The following ARHGAP15 variants were observed in gnomAD, a reference collection of about 807,000 sequenced individuals.
ARHGAP15 encodes rho GTPase-activating protein 15.
In ARHGAP15, 51 loss-of-function variants were observed where a neutral mutation model predicts 63.7. The observed-to-expected ratio is 0.80, with a 90% CI of 0.64 to 1.01. ARHGAP15 has a LOEUF of 1.01. Ranked by LOEUF, ARHGAP15 falls within the 50% of genes least tolerant of loss-of-function variation. The pLI is 0.00. For missense variants in ARHGAP15, 560 were observed against 564.6 expected, an observed-to-expected ratio of 0.99 and a Z score of 0.08; for synonymous variants, 191 against 193.8, an observed-to-expected ratio of 0.99 and a Z score of 0.12.
chr2:143,458,697 C>A (rs190574762), intron 8 of ARHGAP15, among the ~76,000 whole-genome samples: 1 of 152,138 alleles, frequency 6.6e-6, no homozygotes, highest in East Asian at 1.9e-4. Flanking sequence ...TTATTCCCTC[C>A]TTTATAATGT....
At chr2:143,492,691 A>G (rs1273498544) in intron 9 of ARHGAP15, among the ~76,000 whole-genome samples, 1 of 152,106 alleles carries the variant, frequency 6.6e-6, no homozygotes, top group Non-Finnish European at 1.5e-5. Flanking sequence ...GAGCCCAAGA[A>G]GTCAAGGCTG....
At chr2:143,284,554 G>T (rs1464065963) in intron 6 of ARHGAP15, among the ~76,000 whole-genome samples, 1 of 152,156 alleles carries the variant, frequency 6.6e-6, no homozygotes, top group East Asian at 1.9e-4. Context: ...GCTCCTCTTG[G>T]TTATGATAAT....
At chr2:143,396,728 C>A (rs1485006980) in intron 6 of ARHGAP15, among the ~76,000 whole-genome samples, 1 of 151,640 alleles carries the variant, frequency 6.6e-6, no homozygotes, top group Non-Finnish European at 1.5e-5. Context: ...ATATCTGTCG[C>A]TCATCTAGAT....
chr2:143,632,718 T>C (rs982052453), intron 12 of ARHGAP15, among the ~76,000 whole-genome samples: 3 of 152,194 alleles, frequency 2.0e-5, no homozygotes, highest in South Asian at 2.1e-4. Context: ...CATGTTCTAA[T>C]GGTTTTTCCC....
intron 9 of ARHGAP15, among the ~76,000 whole-genome samples, chr2:143,490,087 C>T (rs907156350): frequency 2.6e-5 from 4 of 151,794 alleles, no homozygotes; most frequent in Middle Eastern, 3.2e-3. Context: ...GCAAGCTCTG[C>T]CTCCTGGGTT....
At chr2:143,708,056 C>T (rs1457745880) in intron 13 of ARHGAP15, among the ~76,000 whole-genome samples, 1 of 152,132 alleles carries the variant, frequency 6.6e-6, no homozygotes, top group African/African-American at 2.4e-5. Context: ...AGAAACCAGG[C>T]TTTGGAGTTA....
At chr2:143,525,291 T>C (rs1303134570) in intron 10 of ARHGAP15, among the ~76,000 whole-genome samples, 1 of 151,884 alleles carries the variant, frequency 6.6e-6, no homozygotes, top group African/African-American at 2.4e-5. Flanking sequence ...TGCTTGCTAG[T>C]TTTATAAGCA....
At chr2:143,299,130 T>A (rs1338367008) in intron 6 of ARHGAP15, among the ~76,000 whole-genome samples, 3 of 152,106 alleles carry the variant, frequency 2.0e-5, no homozygotes, top group Middle Eastern at 3.4e-3. Flanking sequence ...TGAGTTTTCT[T>A]AAGTTCTAGT....
intron 4 of ARHGAP15, 27 bp downstream of exon 4, chr2:143,216,472 A>G (rs769740427): frequency 6.0e-6 from 9 of 1,505,876 alleles, no homozygotes; most frequent in Admixed American, 5.2e-5. Context: ...ATTCACTTTT[A>G]TATAACTATG....
intron 9 of ARHGAP15, among the ~76,000 whole-genome samples, chr2:143,515,089 C>G (rs1480772461): frequency 6.7e-6 from 1 of 149,344 alleles, no homozygotes; most frequent in East Asian, 2.0e-4. Context: ...ACACCTATCA[C>G]ACCCTTATCC....
At chr2:143,746,394 A>G (rs1450049616) in intron 13 of ARHGAP15, among the ~76,000 whole-genome samples, 1 of 152,226 alleles carries the variant, frequency 6.6e-6, no homozygotes, top group Non-Finnish European at 1.5e-5. Context: ...AAAACACAGA[A>G]GATAGGAAGA....
chr2:143,464,132 A>G (rs1168227108), intron 8 of ARHGAP15, among the ~76,000 whole-genome samples: 1 of 152,238 alleles, frequency 6.6e-6, no homozygotes, highest in African/African-American at 2.4e-5. Flanking sequence ...ATTATATTTT[A>G]GTCAAAACCA....
In ARHGAP15 at chr2:143,538,627, A is replaced by G. The variant is rs959533538; in HGVS notation, c.926-17781A>G. On this transcript the variant is annotated intron_variant, in intron 10 of 13. Coordinates refer to ENST00000295095, the MANE Select transcript of ARHGAP15 (RefSeq NM_018460.4). ...TTTGTCAAAGGCCTTTTCTGCATCTATTGAGATAATCATGTGGTTTTTGTC... is the reference window on the plus strand; with the variant it reads ...TTTGTCAAAGGCCTTTTCTGCATCTGTTGAGATAATCATGTGGTTTTTGTC... 7.2e-5 allele frequency among the ~76,000 whole-genome samples: 11 copies of G among 152,294 alleles called. No homozygotes were observed. The South Asian group carries it at 2.1e-3, about 29-fold the overall frequency.
chr2:143,523,342 C>A (rs1033034557), intron 10 of ARHGAP15, among the ~76,000 whole-genome samples: 2 of 152,020 alleles, frequency 1.3e-5, no homozygotes, highest in Non-Finnish European at 2.9e-5. Flanking sequence ...CAGGGAAATA[C>A]GTGTGTTTAA....
intron 6 of ARHGAP15, chr2:143,344,230 A>C (rs1685175836): frequency 6.6e-6 from 1 of 152,130 alleles, no homozygotes; most frequent in African/African-American, 2.4e-5. Context: ...TGAGTAGAAA[A>C]GTAGTATAGG....
chr2:143,363,170 C>A (rs1200987307), intron 6 of ARHGAP15, among the ~76,000 whole-genome samples: 1 of 152,206 alleles, frequency 6.6e-6, no homozygotes, highest in Admixed American at 6.5e-5. Context: ...TGTGGCCACA[C>A]TGGTCTTCAT....
At chr2:143,155,429 G>T in intron 1 of ARHGAP15, 48 bp from the exon 2 acceptor site, 1 of 1,464,370 alleles carries the variant, frequency 6.8e-7, no homozygotes, top group Non-Finnish European at 9.1e-7. Flanking sequence ...GAGTTTTCAT[G>T]GAAAATTGTA....
rs761104590 is a variant in ARHGAP15, at chr2:143,768,211, T to C, written c.*39T>C. ...CTACTGAATACGTTCACATCTGTCTTGATGCCTAATATTTTTACATTTCTG... is the reference window on the plus strand; with the variant it reads ...CTACTGAATACGTTCACATCTGTCTCGATGCCTAATATTTTTACATTTCTG... On this transcript the variant is annotated 3_prime_UTR_variant, in exon 14 of 14. Coordinates refer to ENST00000295095, the MANE Select transcript of ARHGAP15 (RefSeq NM_018460.4). The C allele has an allele frequency of 2.0e-6, 3 of 1,497,260 alleles. No individual in the cohort carries two copies. Among genetic ancestry groups the C allele is most frequent in the East Asian group, 2.4e-5 (1 of 41,344 alleles). The allele number at this position is 1,497,260 out of a possible 1,614,324, so 92.7% of individuals were successfully genotyped here.
intron 6 of ARHGAP15, among the ~76,000 whole-genome samples, chr2:143,428,064 A>G (rs937836816): frequency 6.6e-6 from 1 of 152,094 alleles, no homozygotes; most frequent in African/African-American, 2.4e-5. Context: ...TGGAAAGACC[A>G]ACAAGGCATT....
Sources: gnomAD v4.1 joint callset for allele counts (sites outside exome capture counted in the v4.1 genomes callset) on GRCh38, gnomAD v4.1.1 for gene constraint, MANE v1.5 for transcripts, NCBI Gene and HGNC (gene_info 2026-07-23, HGNC 2026-07-21) for gene names.